The following CDH18 variants were observed in gnomAD, a reference collection of about 807,000 sequenced individuals.
The protein encoded by CDH18 is cadherin-18.
In CDH18, 31 loss-of-function variants were observed where a neutral mutation model predicts 67.9. The ratio of observed to expected loss-of-function variants is 0.46; its 90% confidence interval spans 0.34 to 0.62. The LOEUF (loss-of-function observed/expected upper bound fraction) is 0.62. Ranked by LOEUF, CDH18 falls within the 20% of genes least tolerant of loss-of-function variation. The pLI is 0.01. For missense variants in CDH18, 890 were observed against 975.5 expected (o/e 0.91, Z 1.17); for synonymous variants, 362 against 347.2 (o/e 1.04, Z -0.48).
chr5:20,393,354 C>T (rs1443316323), intron 1 of CDH18, among the ~76,000 whole-genome samples: 1 of 151,886 alleles, frequency 6.6e-6, no homozygotes, highest in African/African-American at 2.4e-5. Context: ...AAGGTGTTCC[C>T]TGTGACATAG....
At chr5:20,375,270 G>A in intron 1 of CDH18, among the ~76,000 whole-genome samples, 1 of 152,054 alleles carries the variant, frequency 6.6e-6, no homozygotes, top group East Asian at 1.9e-4. Context: ...CTGAATGCTG[G>A]GGACAATGAT....
At chr5:20,525,992 G>T (rs113006707) in intron 1 of CDH18, among the ~76,000 whole-genome samples, 2 of 151,324 alleles carry the variant, frequency 1.3e-5, no homozygotes, top group Non-Finnish European at 1.5e-5. Context: ...AACAATATTG[G>T]CCAGTTAAGA....
At chr5:19,909,605 G>T (rs1790911231) in intron 2 of CDH18, among the ~76,000 whole-genome samples, 1 of 151,814 alleles carries the variant, frequency 6.6e-6, no homozygotes, top group South Asian at 2.1e-4. Flanking sequence ...CTGCTATGTA[G>T]GAAACTTTTG....
chr5:19,869,345 A>G (rs1336745616), intron 2 of CDH18, among the ~76,000 whole-genome samples: 1 of 152,124 alleles, frequency 6.6e-6, no homozygotes, highest in Admixed American at 6.6e-5. Context: ...TTTGGTACAC[A>G]GTTTTCAAGA....
intron 1 of CDH18, among the ~76,000 whole-genome samples, chr5:20,278,454 C>CA (rs1004794594): frequency 8.6e-5 from 13 of 150,752 alleles, no homozygotes; most frequent in South Asian, 2.1e-4. Context: ...CTTTCCCAGA[C>CA]AAAAAAAAGC....
At chr5:19,525,701 G>A (rs1747654798) in intron 9 of CDH18, among the ~76,000 whole-genome samples, 1 of 152,082 alleles carries the variant, frequency 6.6e-6, no homozygotes, top group Non-Finnish European at 1.5e-5. Flanking sequence ...GCAGCATTCT[G>A]GTATTTTATG....
At chr5:19,973,113 CTGAT>C (rs1303482146) in intron 2 of CDH18, among the ~76,000 whole-genome samples, 1 of 151,936 alleles carries the variant, frequency 6.6e-6, no homozygotes, top group Non-Finnish European at 1.5e-5. Context: ...GCATAAACAA[CTGAT>C]TAATTCCACA....
chr5:19,885,639 C>A (rs1010716040), intron 2 of CDH18, among the ~76,000 whole-genome samples: 1 of 152,156 alleles, frequency 6.6e-6, no homozygotes, highest in Non-Finnish European at 1.5e-5. Context: ...TAGCTCACTG[C>A]AGCCTAGAGC....
chr5:20,402,750 C>G (rs1299715844), intron 1 of CDH18, among the ~76,000 whole-genome samples: 1 of 151,886 alleles, frequency 6.6e-6, no homozygotes, highest in Non-Finnish European at 1.5e-5. Flanking sequence ...CAGGGTGCTG[C>G]TTGTTGAAGT....
intron 2 of CDH18, among the ~76,000 whole-genome samples, chr5:20,053,362 C>T (rs1230179501): frequency 6.6e-6 from 1 of 151,388 alleles, no homozygotes; most frequent in Non-Finnish European, 1.5e-5. Context: ...TTTTAAGGTT[C>T]CTCTCTCTTT....
chr5:19,834,150 G>A (rs1252978975), intron 3 of CDH18, among the ~76,000 whole-genome samples: 2 of 118,358 alleles, frequency 1.7e-5, no homozygotes, highest in African/African-American at 6.5e-5. Context: ...TCTGGTCCTG[G>A]GATTTTTTTT....
At chr5:19,987,968 A>G (rs2150379502) in intron 1 of CDH18, 118 bp downstream of exon 1, 1 of 152,310 alleles carries the variant, frequency 6.6e-6, no homozygotes, top group East Asian at 1.9e-4. Context: ...TGTGAAACCC[A>G]TCGGAGATGA....
chr5:19,966,032 A>C (rs927596943), intron 2 of CDH18, among the ~76,000 whole-genome samples: 2 of 152,214 alleles, frequency 1.3e-5, no homozygotes, highest in African/African-American at 4.8e-5. Flanking sequence ...AAAGGCTTTC[A>C]GGAGAGAAAA....
chr5:20,455,238 C>A (rs1750758520), intron 1 of CDH18, among the ~76,000 whole-genome samples: 1 of 152,016 alleles, frequency 6.6e-6, no homozygotes, highest in African/African-American at 2.4e-5. Context: ...GCCACAAACA[C>A]CCTGTTGGGA....
At chr5:20,175,627 T>C (rs971576304) in intron 2 of CDH18, among the ~76,000 whole-genome samples, 1 of 152,098 alleles carries the variant, frequency 6.6e-6, no homozygotes, top group Admixed American at 6.6e-5. Context: ...AAGAGTTCTC[T>C]AAAGGGACAG....
chr5:19,786,151 T>G (rs544756343), intron 3 of CDH18, among the ~76,000 whole-genome samples: 13 of 152,298 alleles, frequency 8.5e-5, no homozygotes, highest in African/African-American at 2.9e-4. Flanking sequence ...ATGAATAGCA[T>G]GAATAGAAAT....
intron 1 of CDH18, among the ~76,000 whole-genome samples, chr5:20,536,549 T>C (rs964537544): frequency 5.3e-5 from 8 of 152,194 alleles, no homozygotes; most frequent in Admixed American, 4.6e-4. Context: ...GAGTCAGTAC[T>C]GTGCTTCTGA....
chr5:19,640,219 A>G (rs986345142), intron 5 of CDH18, among the ~76,000 whole-genome samples: 13 of 152,198 alleles, frequency 8.5e-5, no homozygotes, highest in African/African-American at 3.1e-4. Context: ...AGACTAATGT[A>G]GCACTGTAAT....
At chr5:19,820,479 A>G (rs1779754975) in intron 3 of CDH18, among the ~76,000 whole-genome samples, 1 of 152,208 alleles carries the variant, frequency 6.6e-6, no homozygotes, top group African/African-American at 2.4e-5. Flanking sequence ...GGGATCCTCC[A>G]CCCTAGGCCC....
Sources: allele counts gnomAD v4.1 joint callset (sites outside exome capture counted in the v4.1 genomes callset), GRCh38; gene constraint gnomAD v4.1.1; transcripts MANE v1.5; gene names NCBI Gene and HGNC (gene_info 2026-07-23, HGNC 2026-07-21).